Variants in HIVEP3 observed in about 807,000 individuals in gnomAD.
The protein encoded by HIVEP3 is transcription factor HIVEP3.
HIVEP3 carries 49 observed loss-of-function variants against 152.8 expected under a neutral mutation model. The ratio of observed to expected loss-of-function variants is 0.32; its 90% CI spans 0.26 to 0.41. The LOEUF (loss-of-function observed/expected upper bound fraction) is 0.41, where lower values mean the gene tolerates loss of function less well. Ranked by LOEUF, HIVEP3 falls within the 10% of genes least tolerant of loss-of-function variation. The pLI, the probability that HIVEP3 is intolerant of heterozygous loss-of-function variation, is 1.00. For missense variants in HIVEP3, 2,790 were observed against 3,103.3 expected (o/e 0.90, Z 2.40); for synonymous variants, 1,269 against 1,289.0 (o/e 0.98, Z 0.33).
intron 1 of HIVEP3, among the ~76,000 whole-genome samples, chr1:42,013,689 G>A (rs1013720195): frequency 7.2e-5 from 11 of 152,156 alleles, no homozygotes; most frequent in African/African-American, 2.7e-4. Context: ...CAAATGTGCT[G>A]GGTCAAACCC....
chr1:41,574,423 CT>C (rs1026447105), intron 5 of HIVEP3, among the ~76,000 whole-genome samples: 3 of 152,310 alleles, frequency 2.0e-5, no homozygotes, highest in African/African-American at 7.2e-5. Context: ...TTTGCTACCC[CT>C]GGCCCCCTTC....
chr1:41,747,200 C>T (rs1252744581), intron 1 of HIVEP3, among the ~76,000 whole-genome samples: 3 of 152,190 alleles, frequency 2.0e-5, no homozygotes, highest in African/African-American at 7.2e-5. Context: ...GACCTCAGGG[C>T]TAGGAAGAAG....
chr1:41,671,619 C>T (rs147038527), intron 2 of HIVEP3, among the ~76,000 whole-genome samples: 5 of 152,380 alleles, frequency 3.3e-5, no homozygotes, highest in African/African-American at 9.6e-5. Flanking sequence ...CAGAAAGCCA[C>T]AGGTCAAATG....
At chr1:41,744,136 T>C (rs1466339529) in intron 1 of HIVEP3, among the ~76,000 whole-genome samples, 6 of 152,128 alleles carry the variant, frequency 3.9e-5, no homozygotes, top group Admixed American at 3.9e-4. Context: ...GCCTCCAGGT[T>C]CAAGCGATTC....
At position 41,539,810 on chromosome 1, in the gene HIVEP3, G is replaced by A. The variant is rs78811037; in HGVS notation, c.5208-14900C>T. 7.8e-3 allele frequency among the ~76,000 whole-genome samples: 1,195 copies of A among 152,312 alleles called. 7 individuals are homozygous for A. The highest frequency in any genetic ancestry group is 0.02 in the Middle Eastern group (6 of 294). On this transcript the variant is annotated intron_variant, in intron 5 of 8. Transcript: ENST00000372583. ...TTTTTGCTAAAAACCGCTAAAAAAA[G>A]TCAACCAGGGTCATAGGTGAAACCT... is the stretch of plus-strand genomic sequence containing the variant.
chr1:41,951,363 G>A (rs1645105542), intron 1 of HIVEP3, among the ~76,000 whole-genome samples: 1 of 152,168 alleles, frequency 6.6e-6, no homozygotes, highest in Non-Finnish European at 1.5e-5. Flanking sequence ...GACAAAATTA[G>A]AGTATGGCAA....
intron 3 of HIVEP3, among the ~76,000 whole-genome samples, chr1:41,592,470 T>G (rs1644601687): frequency 6.6e-6 from 1 of 152,222 alleles, no homozygotes; most frequent in Non-Finnish European, 1.5e-5. Context: ...ATATTGACCT[T>G]AAGCTGAGGA....
At chr1:41,655,684 T>A (rs1645619160) in intron 2 of HIVEP3, among the ~76,000 whole-genome samples, 1 of 151,392 alleles carries the variant, frequency 6.6e-6, no homozygotes, top group Non-Finnish European at 1.5e-5. Flanking sequence ...GCTTCATGCT[T>A]CTCCATGGCA....
intron 1 of HIVEP3, among the ~76,000 whole-genome samples, chr1:41,977,925 G>A (rs1645269472): frequency 6.6e-6 from 1 of 152,224 alleles, no homozygotes; most frequent in Non-Finnish European, 1.5e-5. Context: ...CGAACATCAT[G>A]TAACTGGGGA....
At chr1:42,005,700 T>C (rs981715072) in intron 1 of HIVEP3, among the ~76,000 whole-genome samples, 4 of 152,242 alleles carry the variant, frequency 2.6e-5, no homozygotes, top group Non-Finnish European at 5.9e-5. Flanking sequence ...AATTGCACTA[T>C]GAATCACTAG....
intron 2 of HIVEP3, among the ~76,000 whole-genome samples, chr1:41,669,256 G>T (rs764480116): frequency 3.3e-5 from 5 of 152,196 alleles, no homozygotes; most frequent in Non-Finnish European, 5.9e-5. Context: ...GTCCCAGAGG[G>T]TGGCAGGGTG....
At chr1:41,966,475 CTTTTT>C (rs58470482) in intron 1 of HIVEP3, among the ~76,000 whole-genome samples, 1 of 95,808 alleles carries the variant, frequency 1.0e-5, no homozygotes. Context: ...GTGCTGTATT[CTTTTT>C]TTTTTTTTTT....
At chr1:41,623,274 C>T (rs536601397) in intron 3 of HIVEP3, among the ~76,000 whole-genome samples, 2 of 152,340 alleles carry the variant, frequency 1.3e-5, no homozygotes, top group East Asian at 3.9e-4. Context: ...TCCTACCTGT[C>T]CCGTTTTGCT....
intron 2 of HIVEP3, among the ~76,000 whole-genome samples, chr1:41,681,750 C>T (rs927085098): frequency 6.6e-6 from 1 of 152,160 alleles, no homozygotes; most frequent in Admixed American, 6.5e-5. Context: ...GGAGGAGGGG[C>T]TGGGAGGGAA....
intron 3 of HIVEP3, among the ~76,000 whole-genome samples, chr1:41,626,925 A>C (rs1250563577): frequency 6.6e-6 from 1 of 152,178 alleles, no homozygotes; most frequent in Non-Finnish European, 1.5e-5. Flanking sequence ...CCATCTGTGT[A>C]GCTGTCTTTA....
intron 2 of HIVEP3, among the ~76,000 whole-genome samples, chr1:41,690,707 C>G (rs539218363): frequency 1.1e-4 from 16 of 152,294 alleles, no homozygotes; most frequent in African/African-American, 3.9e-4. Context: ...CACCTGAGGT[C>G]GGGAGTTCGA....
rs1644399751 is a variant in HIVEP3, at chr1:41,507,891, A to C, written c.*2560T>G. Reference sequence around the variant, plus strand: ...CTGGGCACGGCATCAATGTGGAGGCAGCCCTTTGGTGAGATTCTATTTGTG... The same window carrying C: ...CTGGGCACGGCATCAATGTGGAGGCCGCCCTTTGGTGAGATTCTATTTGTG... On this transcript the variant is annotated 3_prime_UTR_variant, in exon 9 of 9. Transcript: ENST00000372583. The C allele has an allele frequency of 6.6e-6, 1 of 152,336 alleles. No individual in the cohort carries two copies. The highest frequency in any genetic ancestry group is 2.1e-4 in the South Asian group (1 of 4,834). The allele number at this position is 152,336 out of a possible 1,614,324, so 9.4% of individuals were successfully genotyped here.
chr1:41,954,832 C>T lies in HIVEP3; in HGVS notation n.120-36308G>A, dbSNP rs114062811. Among the ~76,000 whole-genome samples, 89 of 152,338 alleles carry T rather than the reference C, an allele frequency of 5.8e-4. 2 individuals carry two copies. Among genetic ancestry groups the T allele is most frequent in the African/African-American group, 2.1e-3 (88 of 41,576 alleles). ...AAATAGGGGTAATAATAGTATCTAT[C>T]TATCTCTCAGCGTTGTGGTCAGGAT... On this transcript the variant is annotated intron_variant and non_coding_transcript_variant, in intron 1 of 3. Transcript: ENST00000489103.
intron 1 of HIVEP3, among the ~76,000 whole-genome samples, chr1:41,978,408 C>T (rs1570862791): frequency 6.6e-6 from 1 of 152,290 alleles, no homozygotes; most frequent in South Asian, 2.1e-4. Context: ...GTCCAGTACA[C>T]TGGTGTCCTT....
Sources: allele counts gnomAD v4.1 joint callset (sites outside exome capture counted in the v4.1 genomes callset), GRCh38; gene constraint gnomAD v4.1.1; transcripts MANE v1.5; gene names NCBI Gene and HGNC (gene_info 2026-07-23, HGNC 2026-07-21).